PTPRF: variants seen among roughly 807,000 people sequenced by gnomAD.
The protein encoded by PTPRF is protein tyrosine phosphatase receptor type F.
A neutral mutation model predicts 201.8 loss-of-function variants in PTPRF; 59 were observed. The observed-to-expected ratio is 0.29, with a 90% CI of 0.24 to 0.36. The LOEUF (loss-of-function observed/expected upper bound fraction) is 0.36. Ranked by LOEUF, PTPRF falls within the 10% of genes least tolerant of loss-of-function variation. The pLI, the probability that PTPRF is intolerant of heterozygous loss-of-function variation, is 1.00. For missense variants in PTPRF, 2,132 were observed against 2,690.5 expected, an observed-to-expected ratio of 0.79 and a Z score of 4.59; for synonymous variants, 1,088 against 1,089.7, an observed-to-expected ratio of 1.00 and a Z score of 0.03.
rs763080544 is a variant in PTPRF at position 43,605,015 on chromosome 1, C to T, written c.3135+15C>T. On this transcript the variant is annotated intron_variant, in intron 17 of 33. Coordinates refer to ENST00000359947, the MANE Select transcript of PTPRF (RefSeq NM_002840.5). ...TGCCCTTTAAGGTGAGTAAGGGCCA[C>T]GGCCAGCTGAGCCTGGCACACACAC... 1.0e-4 allele frequency: 162 copies of T among 1,610,472 alleles called. 1 individual carries two copies. Among genetic ancestry groups the T allele is most frequent in the South Asian group, 1.4e-4 (13 of 90,968 alleles).
chr1:43,541,866 T>C (rs1644381508), intron 2 of PTPRF, among the ~76,000 whole-genome samples: 1 of 152,210 alleles, frequency 6.6e-6, no homozygotes, highest in South Asian at 2.1e-4. Flanking sequence ...GCAGAACGGA[T>C]GGTCCACAGT....
chr1:43,565,282 C>T (rs772452967), intron 5 of PTPRF, among the ~76,000 whole-genome samples: 26 of 152,176 alleles, frequency 1.7e-4, no homozygotes, highest in Non-Finnish European at 2.9e-4. Flanking sequence ...GACCCCCGAC[C>T]CTCCCCTCGC....
chr1:43,528,008 A>T (rs533753008), upstream of PTPRF, among the ~76,000 whole-genome samples: 54 of 152,324 alleles, frequency 3.5e-4, no homozygotes, highest in Admixed American at 2.8e-3. Context: ...CCACTGGGAT[A>T]TGACAGGGAA....
chr1:43,540,684 G>A (rs898796525), intron 2 of PTPRF, among the ~76,000 whole-genome samples: 2 of 152,232 alleles, frequency 1.3e-5, no homozygotes, highest in African/African-American at 4.8e-5. Flanking sequence ...AGCTGCAACA[G>A]GGTGGGACTC....
chr1:43,526,015 T>G (rs1463306607), upstream of PTPRF, among the ~76,000 whole-genome samples: 1 of 151,132 alleles, frequency 6.6e-6, no homozygotes, highest in African/African-American at 2.4e-5. Flanking sequence ...TTTTTTAGGA[T>G]GGGAAAGACA....
chr1:43,621,017 G>A (rs1176508190), intron 32 of PTPRF, 25 bp downstream of exon 32: 1 of 1,610,360 alleles, frequency 6.2e-7, no homozygotes, highest in African/African-American at 1.3e-5. Context: ...CTGGAGGGCT[G>A]GGGTGGGTGG....
chr1:43,578,728 A>G, intron 6 of PTPRF, 82 bp from the exon 7 acceptor site: 1 of 1,012,886 alleles, frequency 9.9e-7, no homozygotes, highest in South Asian at 1.5e-5. Context: ...CATCAGCCAC[A>G]GATGCTGTCG....
At position 43,542,301 on chromosome 1, in the gene PTPRF, G is replaced by C. The variant is rs2153960482; in HGVS notation, c.-45-2730G>C. Among the ~76,000 whole-genome samples the C allele has an allele frequency of 6.6e-6, 1 of 152,300 alleles. No homozygotes were observed. The highest frequency in any genetic ancestry group is 1.5e-5 in the Non-Finnish European group (1 of 68,020). ...GGGAGAGGCCCTGGCTCGTACAGCT[G>C]TGTGGCTGCCAGAGTAGTTGCCTGA... On this transcript the variant is annotated intron_variant, in intron 2 of 33. Coordinates refer to ENST00000359947, the MANE Select transcript of PTPRF (RefSeq NM_002840.5). The surrounding 1 kb of genome is among the most constrained non-coding windows in gnomAD (Gnocchi z 5.2).
Position 43,606,315 on chromosome 1 carries a change from G to A in PTPRF, c.3559G>A (p.Val1187Met). 6.2e-7 allele frequency: 1 copy of A among 1,614,190 alleles called. No homozygotes were observed. Among genetic ancestry groups the A allele is most frequent in the East Asian group, 2.2e-5 (1 of 44,890 alleles). ...RRQAERLKPY[V>M]AAQLDVLPET... ...GCAGGCAGAACGTCTGAAGCCATATGTGGCTGCTCAACTGGATGTGCTCCC... is the reference window on the plus strand; with the variant it reads ...GCAGGCAGAACGTCTGAAGCCATATATGGCTGCTCAACTGGATGTGCTCCC... Residue 1187 changes from valine (V) to methionine (M), a missense_variant, in exon 20 of 34, where the codon GTG becomes ATG. Physicochemically the swap from Val to Met is conservative, Grantham distance 21. Transcript: ENST00000359947.
chr1:43,592,880 T>C (rs1410675166), intron 11 of PTPRF, among the ~76,000 whole-genome samples: 2 of 152,200 alleles, frequency 1.3e-5, no homozygotes, highest in South Asian at 2.1e-4. Context: ...AAGTTCTGTG[T>C]CTGTGCCTCA....
chr1:43,615,574 T>TC (rs1557863143), intron 23 of PTPRF, among the ~76,000 whole-genome samples: 2 of 128,908 alleles, frequency 1.6e-5, no homozygotes, highest in Non-Finnish European at 3.3e-5. Flanking sequence ...TTTTTTTTTT[T>TC]TTTTTTTCTT....
At position 43,603,891 on chromosome 1, in the gene PTPRF, C is replaced by T; in HGVS notation, c.2739C>T (p.Asp913=). 6.2e-7 allele frequency: 1 copy of T among 1,614,084 alleles called. No individual in the cohort carries two copies. Among genetic ancestry groups the T allele is most frequent in the South Asian group, 1.1e-5 (1 of 91,082 alleles). ...EFEKEIRTPE[D]LPSGFPQNLH... The stretch of plus-strand genomic sequence containing the variant: ...AGAAGGAGATCAGGACCCCCGAGGA[C>T]CTGCCCAGCGGCTTCCCCCAAAACC... Residue 913 remains aspartate (D), a synonymous_variant, in exon 16 of 34, where the codon GAC becomes GAT. Coordinates refer to ENST00000359947, the MANE Select transcript of PTPRF (RefSeq NM_002840.5). This position sits in a 1 kb window ranked among gnomAD's most constrained non-coding sequence, Gnocchi z 5.8.
chr1:43,545,788 G>GC lies in PTPRF; in HGVS notation c.91+623dup, dbSNP rs1644629982. Among the ~76,000 whole-genome samples the GC allele has an allele frequency of 2.6e-5, 4 of 152,168 alleles. No homozygotes were observed. In the South Asian group the frequency reaches 8.3e-4, roughly 32 times the overall value. Reference sequence around the variant, plus strand: ...TTGTGTTTGGCCGGCAGGAAGCTGAGCAACGCCCCTCTGTGTGTGTTTGTG... The same window carrying GC: ...TTGTGTTTGGCCGGCAGGAAGCTGAGCCAACGCCCCTCTGTGTGTGTTTGTG... On this transcript the variant is annotated intron_variant, in intron 3 of 33. Coordinates refer to ENST00000359947, the MANE Select transcript of PTPRF (RefSeq NM_002840.5).
rs904065032 is a variant in PTPRF at position 43,583,567 on chromosome 1, C to T, written c.679+4647C>T. ...AGCCGAAACTACTGGAACATTAAGGCGAGAGGCTAGAGCAGGCTGTCCTCC... is the reference window on the plus strand; with the variant it reads ...AGCCGAAACTACTGGAACATTAAGGTGAGAGGCTAGAGCAGGCTGTCCTCC... On this transcript the variant is annotated intron_variant, in intron 7 of 33. Coordinates refer to ENST00000359947, the MANE Select transcript of PTPRF (RefSeq NM_002840.5). 4.6e-5 allele frequency among the ~76,000 whole-genome samples: 7 copies of T among 152,266 alleles called. No homozygotes were observed. In the South Asian group the frequency reaches 6.2e-4, roughly 14 times the overall value.
At chr1:43,612,062 G>A (rs1656576007) in intron 22 of PTPRF, among the ~76,000 whole-genome samples, 1 of 152,206 alleles carries the variant, frequency 6.6e-6, no homozygotes. Context: ...GAGCAGCTAG[G>A]GAGATTGAGA....
Position 43,604,086 on chromosome 1 carries a change from C to G in PTPRF, c.2934C>G (p.Leu978=). ...ACACCCGCTTTACCCTTACTGGCCTCAAGCCAGACACCACTTACGACATCA... is the reference window on the plus strand; with the variant it reads ...ACACCCGCTTTACCCTTACTGGCCTGAAGCCAGACACCACTTACGACATCA... The part of the protein sequence containing the change: ...TTDTRFTLTG[L]KPDTTYDIKV... Residue 978 remains leucine (L), a synonymous_variant, in exon 16 of 34, where the codon CTC becomes CTG. Coordinates refer to ENST00000359947, the MANE Select transcript of PTPRF (RefSeq NM_002840.5). 6.2e-7 allele frequency: 1 copy of G among 1,614,236 alleles called. No individual in the cohort carries two copies. Among genetic ancestry groups the G allele is most frequent in the Non-Finnish European group, 8.5e-7 (1 of 1,180,040 alleles).
intron 22 of PTPRF, among the ~76,000 whole-genome samples, chr1:43,611,674 T>G (rs1348307629): frequency 1.3e-5 from 2 of 151,998 alleles, no homozygotes; most frequent in African/African-American, 4.8e-5. Context: ...GAGGAGAAAT[T>G]GAGGCAGGGA....
In PTPRF at chr1:43,537,937, G is replaced by C. The variant is rs1211919225; in HGVS notation, c.-125-261G>C. Among the ~76,000 whole-genome samples, 1 of 152,120 alleles carries C rather than the reference G, an allele frequency of 6.6e-6. No individual in the cohort carries two copies. Among genetic ancestry groups the C allele is most frequent in the Non-Finnish European group, 1.5e-5 (1 of 68,022 alleles). ...ACTGCTGAGGTCAGGGACTTGGTCTGTGTGGCTCACAGCTATATGGCTGGT... is the reference window on the plus strand; with the variant it reads ...ACTGCTGAGGTCAGGGACTTGGTCTCTGTGGCTCACAGCTATATGGCTGGT... On this transcript the variant is annotated intron_variant, in intron 1 of 33. Transcript: ENST00000359947. This position sits in a 1 kb window ranked among gnomAD's most constrained non-coding sequence, Gnocchi z 4.8.
chr1:43,538,998 T>A (rs1343028921), intron 2 of PTPRF, among the ~76,000 whole-genome samples: 2 of 152,228 alleles, frequency 1.3e-5, no homozygotes, highest in East Asian at 3.8e-4. Flanking sequence ...TATCCATGTG[T>A]TGATCTGTCC....
Sources: gnomAD v4.1 joint callset for allele counts (sites outside exome capture counted in the v4.1 genomes callset) on GRCh38, gnomAD v4.1.1 for gene constraint, Gnocchi (gnomAD v3.1) non-coding constraint, MANE v1.5 for transcripts, NCBI Gene and HGNC (gene_info 2026-07-23, HGNC 2026-07-21) for gene names.